Variants in CPNE4 observed in about 807,000 individuals in gnomAD.
CPNE4 encodes the protein copine 4.
CPNE4 carries 25 observed loss-of-function variants against 67.9 expected under a neutral mutation model. The observed-to-expected ratio is 0.37, with a 90% CI of 0.27 to 0.51. CPNE4 has a LOEUF of 0.51. Ranked by LOEUF, CPNE4 falls within the 20% of genes least tolerant of loss-of-function variation. The pLI, the probability that CPNE4 is intolerant of heterozygous loss-of-function variation, is 0.93. For missense variants in CPNE4, 464 were observed against 690.8 expected, an observed-to-expected ratio of 0.67 and a Z score of 3.68; for synonymous variants, 242 against 244.9, an observed-to-expected ratio of 0.99 and a Z score of 0.11.
intron 1 of CPNE4, among the ~76,000 whole-genome samples, chr3:132,007,465 A>G (rs1438454448): frequency 6.6e-6 from 1 of 152,166 alleles, no homozygotes; most frequent in Non-Finnish European, 1.5e-5. Flanking sequence ...AGAAAACACG[A>G]CGTAAGTATT....
intron 6 of CPNE4, among the ~76,000 whole-genome samples, chr3:131,677,035 G>A (rs566280161): frequency 1.5e-4 from 23 of 149,900 alleles, no homozygotes; most frequent in African/African-American, 3.4e-4. Context: ...CTACCTCTCC[G>A]GCATCTGTTT....
chr3:132,024,036 G>A (rs1368201267), intron 1 of CPNE4, among the ~76,000 whole-genome samples: 1 of 138,364 alleles, frequency 7.2e-6, no homozygotes, highest in Non-Finnish European at 1.6e-5. Flanking sequence ...AGTAAATATT[G>A]ATAGATTTAA....
At chr3:131,875,035 C>T (rs2087382097) in intron 2 of CPNE4, among the ~76,000 whole-genome samples, 1 of 152,100 alleles carries the variant, frequency 6.6e-6, no homozygotes, top group African/African-American at 2.4e-5. Context: ...ATGAAATAGG[C>T]AATACTCCTG....
At position 131,596,397 on chromosome 3, in the gene CPNE4, C is replaced by T. The variant is rs998287653; in HGVS notation, c.682-8815G>A. On this transcript the variant is annotated intron_variant, in intron 7 of 15. Transcript: ENST00000429747. Reference sequence around the variant, plus strand: ...CAGCACTTTGGGAGGCCGAGGCGGGCGGATCACGAGGTCAGGAGATCGAGA... The same window carrying T: ...CAGCACTTTGGGAGGCCGAGGCGGGTGGATCACGAGGTCAGGAGATCGAGA... Among the ~76,000 whole-genome samples, 6 of 116,540 alleles carry T rather than the reference C, an allele frequency of 5.1e-5. 1 individual carries two copies. Among genetic ancestry groups the T allele is most frequent in the African/African-American group, 2.0e-4 (5 of 24,656 alleles). 76.5% of individuals were successfully genotyped at this position (116,540 alleles called of 152,430 possible).
At chr3:131,856,742 C>T (rs2086460797) in intron 2 of CPNE4, among the ~76,000 whole-genome samples, 1 of 151,968 alleles carries the variant, frequency 6.6e-6, no homozygotes, top group African/African-American at 2.4e-5. Flanking sequence ...TGAATGCTTA[C>T]ACTACATAGC....
chr3:131,678,926 T>C (rs932673438), intron 6 of CPNE4, among the ~76,000 whole-genome samples: 1 of 152,194 alleles, frequency 6.6e-6, no homozygotes, highest in Non-Finnish European at 1.5e-5. Context: ...GCTTTTGTTA[T>C]CAGGATGATG....
intron 1 of CPNE4, among the ~76,000 whole-genome samples, chr3:131,953,844 A>G (rs2613984): frequency 0.53 from 80,441 of 152,050 alleles, 22,338 homozygotes; most frequent in Admixed American, 0.68. Context: ...TAGAATGACT[A>G]TAATTAACAA....
intron 2 of CPNE4, among the ~76,000 whole-genome samples, chr3:131,732,542 C>T (rs569441625): frequency 6.6e-6 from 1 of 152,292 alleles, no homozygotes; most frequent in Non-Finnish European, 1.5e-5. Flanking sequence ...TACAGGCCCT[C>T]CTAGCCGCCC....
chr3:131,726,447 A>G (rs1262898140), intron 2 of CPNE4, among the ~76,000 whole-genome samples: 2 of 152,244 alleles, frequency 1.3e-5, no homozygotes, highest in African/African-American at 4.8e-5. Context: ...GCCACTAAGA[A>G]TCCTGAATAT....
intron 2 of CPNE4, among the ~76,000 whole-genome samples, chr3:131,759,476 G>A (rs1356965031): frequency 1.3e-5 from 2 of 152,074 alleles, no homozygotes; most frequent in East Asian, 1.9e-4. Context: ...TTTATAAAGT[G>A]GAGTTCCTAA....
intron 7 of CPNE4, among the ~76,000 whole-genome samples, chr3:131,663,562 C>T (rs1336153143): frequency 1.3e-5 from 2 of 151,868 alleles, no homozygotes; most frequent in South Asian, 4.2e-4. Flanking sequence ...TGGCAAATGG[C>T]CTGTACCAGC....
intron 1 of CPNE4, among the ~76,000 whole-genome samples, chr3:131,980,282 A>G (rs934234658): frequency 6.6e-6 from 1 of 152,130 alleles, no homozygotes; most frequent in Non-Finnish European, 1.5e-5. Flanking sequence ...TAGTCCCCCA[A>G]ATATGTTTTC....
intron 10 of CPNE4, among the ~76,000 whole-genome samples, chr3:131,570,156 AC>A (rs1937259961): frequency 6.6e-6 from 1 of 151,804 alleles, no homozygotes; most frequent in Non-Finnish European, 1.5e-5. Context: ...TTAAAGGAAT[AC>A]TGTAATTCAT....
chr3:131,908,480 C>T (rs572027833), intron 1 of CPNE4, among the ~76,000 whole-genome samples: 14 of 152,108 alleles, frequency 9.2e-5, no homozygotes, highest in Admixed American at 1.3e-4. Flanking sequence ...TCCTGAATTC[C>T]GCTTTTCCCA....
intron 1 of CPNE4, among the ~76,000 whole-genome samples, chr3:131,969,588 CT>C (rs1408338790): frequency 6.6e-6 from 1 of 152,102 alleles, no homozygotes; most frequent in Admixed American, 6.6e-5. Context: ...TTTCTTCTCA[CT>C]GACTAAGAAC....
chr3:131,645,939 A>T (rs1418767123), intron 7 of CPNE4, among the ~76,000 whole-genome samples: 2 of 152,216 alleles, frequency 1.3e-5, no homozygotes, highest in Non-Finnish European at 2.9e-5. Flanking sequence ...AGAAAGGCTC[A>T]GGAGGCTCAA....
At chr3:131,693,813 A>G (rs1026082436) in intron 5 of CPNE4, among the ~76,000 whole-genome samples, 7 of 152,088 alleles carry the variant, frequency 4.6e-5, no homozygotes, top group African/African-American at 7.3e-5. Flanking sequence ...CAAGTCTTCC[A>G]TATTCTGAGA....
chr3:131,761,688 C>A (rs1030440790), intron 2 of CPNE4, among the ~76,000 whole-genome samples: 2 of 152,054 alleles, frequency 1.3e-5, no homozygotes, highest in African/African-American at 4.8e-5. Context: ...CAATTCTGTG[C>A]TATTGCTGTT....
At chr3:131,843,475 A>C (rs148925578) in intron 2 of CPNE4, among the ~76,000 whole-genome samples, 41 of 152,334 alleles carry the variant, frequency 2.7e-4, no homozygotes, top group African/African-American at 9.9e-4. Context: ...GTTTACATTG[A>C]AAGTGTGAGT....
Sources: allele counts gnomAD v4.1 joint callset (sites outside exome capture counted in the v4.1 genomes callset), GRCh38; gene constraint gnomAD v4.1.1; transcripts MANE v1.5; gene names NCBI Gene and HGNC (gene_info 2026-07-23, HGNC 2026-07-21).